PHF20: variants seen among roughly 807,000 people sequenced by gnomAD.
PHF20 encodes PHD finger protein 20, also known as glioma-expressed antigen 2.
PHF20 carries 23 observed loss-of-function variants against 113.5 expected under a neutral mutation model. The observed-to-expected ratio is 0.20, with a 90% confidence interval of 0.15 to 0.29. The LOEUF is 0.29. Ranked by LOEUF, PHF20 falls within the 10% of genes least tolerant of loss-of-function variation. The pLI, the probability that PHF20 is intolerant of heterozygous loss-of-function variation, is 1.00. For synonymous variants in PHF20, 434 were observed against 457.3 expected, an observed-to-expected ratio of 0.95 and a Z score of 0.65; for missense variants, 943 against 1,219.6, an observed-to-expected ratio of 0.77 and a Z score of 3.38.
intron 3 of PHF20, chr20:35,845,639 C>T (rs7270009): frequency 0.12 from 19,312 of 156,816 alleles, 1,264 homozygotes; most frequent in South Asian, 0.18. Context: ...ATCCTTCGTA[C>T]CTCCCAAAGT....
At chr20:35,871,591 T>A in intron 8 of PHF20, 59 bp from the exon 9 acceptor site, 1 of 1,428,422 alleles carries the variant, frequency 7.0e-7, no homozygotes, top group Non-Finnish European at 9.4e-7. Flanking sequence ...GTTGTAGGAC[T>A]TTTGATTTCA....
At chr20:35,896,951 C>T (rs188880308) in intron 9 of PHF20, among the ~76,000 whole-genome samples, 2 of 152,160 alleles carry the variant, frequency 1.3e-5, no homozygotes, top group African/African-American at 2.4e-5. Context: ...CCTCCTTATG[C>T]CTTCCACCTC....
intron 9 of PHF20, among the ~76,000 whole-genome samples, chr20:35,875,461 T>A (rs1484453652): frequency 6.6e-6 from 1 of 151,998 alleles, no homozygotes; most frequent in Non-Finnish European, 1.5e-5. Flanking sequence ...TCTCGGCGGC[T>A]GTTCTCTTAG....
chr20:35,882,206 A>G (rs1191772104), intron 9 of PHF20, among the ~76,000 whole-genome samples: 1 of 152,182 alleles, frequency 6.6e-6, no homozygotes, highest in Non-Finnish European at 1.5e-5. Context: ...CAGACAGTGT[A>G]CCCAAACTTT....
At chr20:35,872,552 T>A (rs188878189) in intron 9 of PHF20, among the ~76,000 whole-genome samples, 85 of 152,296 alleles carry the variant, frequency 5.6e-4, no homozygotes, top group Admixed American at 1.7e-3. Flanking sequence ...AAATTATACA[T>A]TTCCCACTGA....
intron 1 of PHF20, among the ~76,000 whole-genome samples, chr20:35,776,646 G>A (rs1383601668): frequency 2.6e-5 from 4 of 152,128 alleles, no homozygotes; most frequent in Non-Finnish European, 5.9e-5. Flanking sequence ...CCTGTTGCCA[G>A]CCCTAATCAG....
chr20:35,857,641 G>A (rs2425175), intron 4 of PHF20, among the ~76,000 whole-genome samples: 36,749 of 140,532 alleles, frequency 0.26, 5,374 homozygotes, highest in African/African-American at 0.42. Flanking sequence ...AGTGGAGTGC[G>A]ATGGCAGGAT....
intron 16 of PHF20, among the ~76,000 whole-genome samples, chr20:35,939,880 A>AG (rs1055885301): frequency 6.6e-6 from 1 of 152,090 alleles, no homozygotes; most frequent in African/African-American, 2.4e-5. Flanking sequence ...CCCTCAAGGG[A>AG]GGGGATTGTA....
chr20:35,787,442 G>A (rs2041445368), intron 1 of PHF20, among the ~76,000 whole-genome samples: 1 of 151,894 alleles, frequency 6.6e-6, no homozygotes, highest in East Asian at 1.9e-4. Context: ...ACCTCTCAAA[G>A]TGCTGGGATT....
At chr20:35,893,318 T>C (rs2054912764) in intron 9 of PHF20, among the ~76,000 whole-genome samples, 1 of 152,222 alleles carries the variant, frequency 6.6e-6, no homozygotes, top group South Asian at 2.1e-4. Flanking sequence ...CATGACTTTT[T>C]TTTTTTTTTG....
intron 2 of PHF20, among the ~76,000 whole-genome samples, chr20:35,819,242 A>G (rs1486971634): frequency 1.3e-5 from 2 of 151,620 alleles, no homozygotes; most frequent in Non-Finnish European, 2.9e-5. Flanking sequence ...TGCCTTCCCT[A>G]TTTGCTTCCT....
intron 2 of PHF20, among the ~76,000 whole-genome samples, chr20:35,824,843 A>T (rs568037524): frequency 6.6e-6 from 1 of 152,276 alleles, no homozygotes; most frequent in South Asian, 2.1e-4. Context: ...CATTTCATAG[A>T]TATGGAGTCA....
intron 1 of PHF20, among the ~76,000 whole-genome samples, chr20:35,775,337 G>T (rs1181981376): frequency 6.6e-6 from 1 of 152,074 alleles, no homozygotes; most frequent in Non-Finnish European, 1.5e-5. Context: ...GGAAGGTGGT[G>T]GTTAGCCTTA....
intron 9 of PHF20, among the ~76,000 whole-genome samples, chr20:35,892,224 ATTTTTTT>A (rs780490898): frequency 0.043 from 4,375 of 102,540 alleles, 113 homozygotes; most frequent in Non-Finnish European, 0.059. Flanking sequence ...CGCCTGGCTG[ATTTTTTT>A]TTTTTTTTTT....
At chr20:35,893,584 A>G (rs1600891445) in intron 9 of PHF20, among the ~76,000 whole-genome samples, 1 of 152,218 alleles carries the variant, frequency 6.6e-6, no homozygotes, top group East Asian at 1.9e-4. Flanking sequence ...GATTACAGGC[A>G]TGAGCCACCA....
chr20:35,914,154 T>C lies in PHF20; in HGVS notation c.1782T>C (p.His594=), dbSNP rs1347922000. 3.5e-5 allele frequency: 57 copies of C among 1,614,072 alleles called. No homozygotes were observed. Among genetic ancestry groups the C allele is most frequent in the Non-Finnish European group, 4.8e-5 (57 of 1,180,026 alleles). ...KPGVHMSPQL[H]GPESGHHKGK... is the part of the protein sequence containing the mutation. ...GGGTCCATATGAGCCCGCAGCTTCATGGCCCAGAATCTGGACACCACAAAG... is the reference window on the plus strand; with the variant it reads ...GGGTCCATATGAGCCCGCAGCTTCACGGCCCAGAATCTGGACACCACAAAG... Residue 594 remains histidine, a synonymous_variant, in exon 12 of 18, where the codon CAT becomes CAC. Transcript: ENST00000374012.
intron 4 of PHF20, among the ~76,000 whole-genome samples, chr20:35,857,816 C>T (rs1036094902): frequency 2.0e-5 from 3 of 152,000 alleles, no homozygotes; most frequent in African/African-American, 7.2e-5. Context: ...GAACTCCTGA[C>T]CTTGTCATCC....
At chr20:35,883,921 G>A (rs1326497822) in intron 9 of PHF20, among the ~76,000 whole-genome samples, 2 of 152,186 alleles carry the variant, frequency 1.3e-5, no homozygotes, top group African/African-American at 4.8e-5. Context: ...CAGAGTAAGA[G>A]GCTTAGTAGG....
intron 1 of PHF20, among the ~76,000 whole-genome samples, chr20:35,780,537 CTTTT>C (rs974625400): frequency 8.6e-6 from 1 of 116,158 alleles, no homozygotes; most frequent in Non-Finnish European, 1.7e-5. Flanking sequence ...ATTCTTTTTT[CTTTT>C]TTTTCTTTTC....
Sources: gnomAD v4.1 joint callset for allele counts (sites outside exome capture counted in the v4.1 genomes callset) on GRCh38, gnomAD v4.1.1 for gene constraint, MANE v1.5 for transcripts, NCBI Gene and HGNC (gene_info 2026-07-23, HGNC 2026-07-21) for gene names.